The following BMP3 variants were observed in gnomAD, a reference collection of about 807,000 sequenced individuals.
BMP3 encodes the protein bone morphogenetic protein 3, also known as bone morphogenetic protein 3 (osteogenic).
BMP3 carries 23 observed loss-of-function variants against 38.1 expected under a neutral mutation model. The observed-to-expected ratio is 0.60, with a 90% CI of 0.43 to 0.86. BMP3 has a LOEUF of 0.86. BMP3 is among the 40% of genes least tolerant of loss of function. BMP3 has a pLI of 0.00. For missense variants in BMP3, 628 were observed against 579.6 expected (o/e 1.08, Z -0.86); for synonymous variants, 258 against 225.7 (o/e 1.14, Z -1.28).
In BMP3 at chr4:81,031,251, G is replaced by C; in HGVS notation, c.-34G>C. Reference sequence around the variant, plus strand: ...CGCCTTCGGAGTGTCCCGCAGCGACGCCGGGAGCCGACGCGCCGCGCGGGT... The same window carrying C: ...CGCCTTCGGAGTGTCCCGCAGCGACCCCGGGAGCCGACGCGCCGCGCGGGT... On this transcript the variant is annotated 5_prime_UTR_variant, in exon 1 of 3. Coordinates refer to ENST00000282701, the MANE Select transcript of BMP3 (RefSeq NM_001201.5). The C allele has an allele frequency of 1.9e-6, 3 of 1,542,146 alleles. No individual in the cohort carries two copies. Among genetic ancestry groups the C allele is most frequent in the Non-Finnish European group, 2.6e-6 (3 of 1,144,104 alleles).
intron 1 of BMP3, among the ~76,000 whole-genome samples, chr4:81,039,351 T>C (rs550077179): frequency 1.3e-5 from 2 of 152,372 alleles, no homozygotes; most frequent in African/African-American, 4.8e-5. Flanking sequence ...AGATTTCATT[T>C]AGTCTATTTG....
chr4:81,039,322 G>C (rs1263135193), intron 1 of BMP3, among the ~76,000 whole-genome samples: 1 of 152,064 alleles, frequency 6.6e-6, no homozygotes, highest in Non-Finnish European at 1.5e-5. Context: ...CTGCTTCCTG[G>C]GGATTTAGCT....
At chr4:81,053,290 A>G (rs1171876271) in intron 2 of BMP3, 55 bp from the exon 3 acceptor site, 1 of 1,271,244 alleles carries the variant, frequency 7.9e-7, no homozygotes, top group East Asian at 2.6e-5. Flanking sequence ...AGGACTGAGG[A>G]GTGGAAACGC....
rs868189452 is a variant in BMP3 at position 81,057,239 on chromosome 4, A to C, written c.*3703A>C. The C allele has an allele frequency of 1.1e-4, 16 of 151,616 alleles. No individual in the cohort carries two copies. The highest frequency in any genetic ancestry group is 1.0e-3 in the South Asian group (5 of 4,822). The allele number at this position is 151,616 out of a possible 1,614,324, so 9.4% of individuals were successfully genotyped here. On this transcript the variant is annotated 3_prime_UTR_variant, in exon 3 of 3. Coordinates refer to ENST00000282701, the MANE Select transcript of BMP3 (RefSeq NM_001201.5). ...ATATATATATAATATATGTATATGG[A>C]AAAGGTTCAAAGATGCTTTTAATTT...
At chr4:81,038,409 G>C (rs1007343157) in intron 1 of BMP3, among the ~76,000 whole-genome samples, 2 of 152,092 alleles carry the variant, frequency 1.3e-5, no homozygotes, top group Non-Finnish European at 2.9e-5. Context: ...ACCTAGCACA[G>C]TTTGCCATGT....
rs981715044 is a variant in BMP3 at position 81,053,885 on chromosome 4, C to T, written c.*349C>T. The T allele has an allele frequency of 6.3e-6, 1 of 159,592 alleles. No homozygotes were observed. Among genetic ancestry groups the T allele is most frequent in the African/African-American group, 2.4e-5 (1 of 41,764 alleles). 9.9% of individuals were successfully genotyped at this position (159,592 alleles called of 1,614,324 possible). ...AAACAGAATGGAGAAGCAGCAATAG[C>T]TTGTCATTTATCTCATTTAATGACT... is the stretch of plus-strand genomic sequence containing the variant. On this transcript the variant is annotated 3_prime_UTR_variant, in exon 3 of 3. Coordinates refer to ENST00000282701, the MANE Select transcript of BMP3 (RefSeq NM_001201.5).
At chr4:81,051,295 T>C (rs995683173) in intron 2 of BMP3, among the ~76,000 whole-genome samples, 2 of 152,264 alleles carry the variant, frequency 1.3e-5, no homozygotes, top group African/African-American at 4.8e-5. Flanking sequence ...CAGAAATGGA[T>C]AAAAATGGAG....
At position 81,056,049 on chromosome 4, in the gene BMP3, A is replaced by ATAT. The variant is rs915932279; in HGVS notation, c.*2515_*2517dup. On this transcript the variant is annotated 3_prime_UTR_variant, in exon 3 of 3. Transcript: ENST00000282701. ...AGTAGAGATTGAAGTAAATGTATTA[A>ATAT]TATTTTAATTAATACAGATTTACTA... The ATAT allele has an allele frequency of 6.6e-6, 1 of 152,184 alleles. No individual in the cohort carries two copies. Among genetic ancestry groups the ATAT allele is most frequent in the African/African-American group, 2.4e-5 (1 of 41,460 alleles). 9.4% of individuals were successfully genotyped at this position (152,184 alleles called of 1,614,324 possible).
In BMP3 at chr4:81,031,499, CG is replaced by C; in HGVS notation, c.217del (p.Ala73ProfsTer46). On this transcript the variant is annotated frameshift_variant, in exon 1 of 3. Coordinates refer to ENST00000282701, the MANE Select transcript of BMP3 (RefSeq NM_001201.5). LOFTEE classifies it high-confidence loss of function. ...RLYDRYSTVQ[A>X]ARTPGSLEGG... is the part of the protein sequence containing the mutation. ...TATGACAGGTACAGCACGGTCCAGG[CG>C]GCCCGGACACCGGGCTCCCTGGAGG... is the stretch of plus-strand genomic sequence containing the variant. 1 of 1,612,868 alleles carries C rather than the reference CG, an allele frequency of 6.2e-7. No homozygotes were observed. The highest frequency in any genetic ancestry group is 8.5e-7 in the Non-Finnish European group (1 of 1,179,572).
chr4:81,047,485 C>CTTCA (rs1215300948), intron 2 of BMP3, among the ~76,000 whole-genome samples: 3 of 151,142 alleles, frequency 2.0e-5, no homozygotes, highest in Admixed American at 2.0e-4. Flanking sequence ...ACTCTTCAGC[C>CTTCA]TTCAGTTAAG....
At position 81,031,020 on chromosome 4, in the gene BMP3, T is replaced by G; in HGVS notation, c.-265T>G. ...CGCGACCTACAGCTCTTTCTCAGCG[T>G]TGGAGTGGAGACGGCGCCCGCAGCG... On this transcript the variant is annotated 5_prime_UTR_variant, in exon 1 of 3. Transcript: ENST00000282701. The G allele has an allele frequency of 1.0e-5, 5 of 478,050 alleles. No homozygotes were observed. Among genetic ancestry groups the G allele is most frequent in the South Asian group, 3.0e-5 (1 of 33,848 alleles). The allele number at this position is 478,050 out of a possible 1,614,324, so 29.6% of individuals were successfully genotyped here. A position where few individuals can be genotyped will look rare whatever the true frequency, so the allele number is the denominator to read the frequency against.
At chr4:81,051,800 CAA>C (rs1482923451) in intron 2 of BMP3, among the ~76,000 whole-genome samples, 1 of 151,992 alleles carries the variant, frequency 6.6e-6, no homozygotes, top group Non-Finnish European at 1.5e-5. Flanking sequence ...CTAATTAATT[CAA>C]AGTTAACCAG....
Position 81,031,166 on chromosome 4 carries a change from C to A in BMP3, c.-119C>A. The A allele has an allele frequency of 8.9e-7, 1 of 1,121,706 alleles. No homozygotes were observed. Among genetic ancestry groups the A allele is most frequent in the Non-Finnish European group, 1.2e-6 (1 of 813,322 alleles). The allele number at this position is 1,121,706 out of a possible 1,614,324, so 69.5% of individuals were successfully genotyped here. ...CTGCACCCGGCCGCGTCCCGGGCTC[C>A]GTGCGCCCTCGCCCCAGCTGGTTTG... On this transcript the variant is annotated 5_prime_UTR_variant, in exon 1 of 3. Coordinates refer to ENST00000282701, the MANE Select transcript of BMP3 (RefSeq NM_001201.5).
chr4:81,032,204 A>AAC (rs1560509310), intron 1 of BMP3, among the ~76,000 whole-genome samples: 2 of 115,932 alleles, frequency 1.7e-5, no homozygotes, highest in Non-Finnish European at 3.6e-5. Context: ...CAAAAAAAAA[A>AAC]AAAAAAAAAA....
chr4:81,038,608 A>G (rs77268233), intron 1 of BMP3, among the ~76,000 whole-genome samples: 6,753 of 152,322 alleles, frequency 0.044, 501 homozygotes, highest in African/African-American at 0.15. Flanking sequence ...TACAATGATT[A>G]TAATAATTCT....
chr4:81,045,715 C>T, intron 1 of BMP3, 23 bp from the exon 2 acceptor site: 1 of 1,531,810 alleles, frequency 6.5e-7, no homozygotes, highest in Non-Finnish European at 8.8e-7. Context: ...CTCCTGTTTA[C>T]TCTCTTTCTT....
At chr4:81,033,694 G>A (rs57426497) in intron 1 of BMP3, among the ~76,000 whole-genome samples, 1,792 of 152,190 alleles carry the variant, frequency 0.012, 29 homozygotes, top group African/African-American at 0.041. Context: ...ACTATTATAA[G>A]GCAGTTCTGG....
rs1342906617 is a variant in BMP3 at position 81,031,476 on chromosome 4, T to C, written c.192T>C (p.Tyr64=). The C allele has an allele frequency of 5.0e-6, 8 of 1,613,346 alleles. No homozygotes were observed. Among genetic ancestry groups the C allele is most frequent in the Non-Finnish European group, 5.1e-6 (6 of 1,179,682 alleles). ...TCTCTGAACACATGCTGCGGCTCTA[T>C]GACAGGTACAGCACGGTCCAGGCGG... The part of the protein sequence containing the change: ...DKVSEHMLRL[Y]DRYSTVQAAR... Residue 64 remains tyrosine (Y), a synonymous_variant, in exon 1 of 3, where the codon TAT becomes TAC. Transcript: ENST00000282701.
chr4:81,042,466 G>T (rs149821347), intron 1 of BMP3, among the ~76,000 whole-genome samples: 253 of 152,330 alleles, frequency 1.7e-3, no homozygotes, highest in African/African-American at 5.6e-3. Context: ...GCTATTGGTT[G>T]TAGTGAAATT....
Sources: allele counts gnomAD v4.1 joint callset (sites outside exome capture counted in the v4.1 genomes callset), GRCh38; gene constraint gnomAD v4.1.1; transcripts MANE v1.5; gene names NCBI Gene and HGNC (gene_info 2026-07-23, HGNC 2026-07-21).